ADGB: variants seen among roughly 807,000 people sequenced by gnomAD.
ADGB encodes androglobin.
In ADGB, 172 loss-of-function variants were observed where a neutral mutation model predicts 210.5. That is an observed-to-expected ratio of 0.82 (90% CI 0.72 to 0.93). ADGB has a LOEUF of 0.93. ADGB is among the 40% of genes least tolerant of loss of function. The probability of loss-of-function intolerance (pLI) is 0.00; values close to 1 mark genes in which losing one functional copy is unlikely to be tolerated. For synonymous variants in ADGB, 658 were observed against 662.7 expected, an observed-to-expected ratio of 0.99 and a Z score of 0.11; for missense variants, 2,025 against 1,964.8, an observed-to-expected ratio of 1.03 and a Z score of -0.58.
chr6:146,649,837 T>C (rs1452550103), intron 3 of ADGB, among the ~76,000 whole-genome samples: 1 of 152,174 alleles, frequency 6.6e-6, no homozygotes, highest in Non-Finnish European at 1.5e-5. Context: ...ACCAAAGATT[T>C]ATATGAACTT....
intron 29 of ADGB, chr6:146,770,734 G>T (rs1339268633): frequency 7.9e-6 from 3 of 379,448 alleles, no homozygotes; most frequent in Admixed American, 2.7e-5. Flanking sequence ...GGAAGAGAAA[G>T]TGGTAGCACT....
chr6:146,686,640 C>T (rs191077173), intron 10 of ADGB, among the ~76,000 whole-genome samples: 1,676 of 152,188 alleles, frequency 0.011, 7 homozygotes, highest in African/African-American at 0.018. Flanking sequence ...GACAGAAAAA[C>T]AACTTTTCTC....
chr6:146,750,422 G>T (rs1388984866), intron 26 of ADGB, among the ~76,000 whole-genome samples: 2 of 152,058 alleles, frequency 1.3e-5, no homozygotes. Flanking sequence ...GTTGAGCATG[G>T]TGGTGCATAC....
intron 13 of ADGB, among the ~76,000 whole-genome samples, chr6:146,703,907 T>C (rs897745711): frequency 2.0e-5 from 3 of 151,876 alleles, no homozygotes; most frequent in African/African-American, 7.2e-5. Context: ...CTACAGTGGC[T>C]GCACCATTCT....
intron 1 of ADGB, among the ~76,000 whole-genome samples, chr6:146,601,063 C>T (rs1780549826): frequency 6.6e-6 from 1 of 151,810 alleles, no homozygotes; most frequent in Non-Finnish European, 1.5e-5. Flanking sequence ...GAGTTTATAT[C>T]CTGAAAGAGA....
chr6:146,752,999 C>CT (rs201064710), intron 27 of ADGB, among the ~76,000 whole-genome samples: 3 of 151,868 alleles, frequency 2.0e-5, no homozygotes, highest in African/African-American at 4.8e-5. Context: ...AATATTTTTA[C>CT]TTTTTTAAAT....
chr6:146,648,056 C>T (rs1775647468), intron 3 of ADGB, among the ~76,000 whole-genome samples: 1 of 151,948 alleles, frequency 6.6e-6, no homozygotes, highest in Non-Finnish European at 1.5e-5. Context: ...TTTGGACTTT[C>T]TTGTTTTATG....
intron 27 of ADGB, among the ~76,000 whole-genome samples, chr6:146,756,946 C>A (rs1777415693): frequency 6.6e-6 from 1 of 151,918 alleles, no homozygotes; most frequent in African/African-American, 2.4e-5. Flanking sequence ...ATGCTGGTCT[C>A]AAACTCCTGA....
intron 1 of ADGB, among the ~76,000 whole-genome samples, chr6:146,628,678 A>G (rs1242756410): frequency 6.6e-6 from 1 of 151,612 alleles, no homozygotes; most frequent in East Asian, 1.9e-4. Flanking sequence ...CTTTTCTCCT[A>G]GTGATGCCCT....
intron 1 of ADGB, among the ~76,000 whole-genome samples, chr6:146,623,893 T>G (rs921183355): frequency 6.6e-6 from 1 of 151,958 alleles, no homozygotes; most frequent in Admixed American, 6.6e-5. Context: ...TTATCATATA[T>G]TGAACTAACT....
chr6:146,611,526 T>G (rs1780711001), intron 1 of ADGB, among the ~76,000 whole-genome samples: 1 of 152,110 alleles, frequency 6.6e-6, no homozygotes, highest in Non-Finnish European at 1.5e-5. Context: ...ATTCTGAAAG[T>G]TCATGGCAAG....
chr6:146,661,441 T>C (rs780348769), intron 5 of ADGB, among the ~76,000 whole-genome samples: 10 of 151,916 alleles, frequency 6.6e-5, no homozygotes, highest in Admixed American at 2.0e-4. Flanking sequence ...TGGTCTTGAA[T>C]TCCTGACCTC....
At chr6:146,743,890 G>A (rs1777192722) in intron 25 of ADGB, among the ~76,000 whole-genome samples, 1 of 151,036 alleles carries the variant, frequency 6.6e-6, no homozygotes, top group African/African-American at 2.5e-5. Context: ...TTCCAGCCTG[G>A]GTGACAAGAG....
chr6:146,619,599 C>G (rs1454721145), intron 1 of ADGB, among the ~76,000 whole-genome samples: 1 of 151,954 alleles, frequency 6.6e-6, no homozygotes, highest in Non-Finnish European at 1.5e-5. Flanking sequence ...ACAGTTATAA[C>G]ACGTTATTTT....
intron 27 of ADGB, among the ~76,000 whole-genome samples, chr6:146,760,509 A>G (rs1362875246): frequency 6.6e-6 from 1 of 151,830 alleles, no homozygotes; most frequent in East Asian, 1.9e-4. Context: ...CCATTCTCCT[A>G]TTGGACATAT....
intron 1 of ADGB, among the ~76,000 whole-genome samples, chr6:146,600,099 T>C (rs778358253): frequency 1.3e-5 from 2 of 152,154 alleles, no homozygotes; most frequent in Non-Finnish European, 2.9e-5. Context: ...CTCATTCCCA[T>C]GTCTGTGAAT....
chr6:146,762,252 C>T (rs1368983036), intron 27 of ADGB, among the ~76,000 whole-genome samples: 1 of 152,020 alleles, frequency 6.6e-6, no homozygotes, highest in Non-Finnish European at 1.5e-5. Context: ...TCAATCATTT[C>T]TATTGCTTGT....
chr6:146,725,797 C>A (rs1562284360), intron 18 of ADGB: 1 of 247,984 alleles, frequency 4.0e-6, no homozygotes, highest in Non-Finnish European at 7.7e-6. Flanking sequence ...AGTCTTCACA[C>A]CATGACTGCA....
chr6:146,734,013 T>C lies in ADGB; in HGVS notation c.2777T>C (p.Met926Thr). The change falls in exon 22 of 36, where the codon ATG becomes ACG. Residue 926 changes from methionine (M) to threonine (T), a missense_variant. Transcript: ENST00000397944. ...MWRGTYVRLL[M>T]KARIPDTKEN... Reference sequence around the variant, plus strand: ...AGAGGAACTTACGTTAGATTGCTTATGAAAGCCAGAATACCAGGTATGATT... The same window carrying C: ...AGAGGAACTTACGTTAGATTGCTTACGAAAGCCAGAATACCAGGTATGATT... 1 of 1,551,524 alleles carries C rather than the reference T, an allele frequency of 6.4e-7. No individual in the cohort carries two copies. Among genetic ancestry groups the C allele is most frequent in the Non-Finnish European group, 8.7e-7 (1 of 1,146,900 alleles).
Sources: allele counts gnomAD v4.1 joint callset (sites outside exome capture counted in the v4.1 genomes callset), GRCh38; gene constraint gnomAD v4.1.1; transcripts MANE v1.5; gene names NCBI Gene and HGNC (gene_info 2026-07-23, HGNC 2026-07-21).